CRACD: variants seen among roughly 807,000 people sequenced by gnomAD.
The protein encoded by CRACD is capping protein inhibiting regulator of actin dynamics, also known as capping protein-inhibiting regulator of actin dynamics.
Under a neutral mutation model 106.8 loss-of-function variants are expected in CRACD, and 56 were observed. The observed-to-expected ratio is 0.52, with a 90% CI of 0.42 to 0.66. The LOEUF (loss-of-function observed/expected upper bound fraction) is 0.66, where lower values mean the gene tolerates loss of function less well. Among genes scored for constraint, CRACD ranks in the 30% least tolerant of loss-of-function variants. The pLI, the probability that CRACD is intolerant of heterozygous loss-of-function variation, is 0.00. For synonymous variants in CRACD, 754 were observed against 670.8 expected (o/e 1.12, Z -1.92); for missense variants, 1,730 against 1,623.2 (o/e 1.07, Z -1.13).
intron 1 of CRACD, among the ~76,000 whole-genome samples, chr4:56,153,149 C>T (rs1577696917): frequency 1.3e-5 from 2 of 152,216 alleles, no homozygotes; most frequent in East Asian, 3.9e-4. Context: ...CACGGTGGCA[C>T]ATGCCTGTAA....
At chr4:56,163,296 CA>C (rs61130200) in intron 1 of CRACD, among the ~76,000 whole-genome samples, 15 of 146,076 alleles carry the variant, frequency 1.0e-4, no homozygotes, top group East Asian at 2.0e-4. Flanking sequence ...GTCCCGTCTT[CA>C]AAAAAAAAAG....
At chr4:56,052,655 G>T (rs1290451139) in intron 1 of CRACD, among the ~76,000 whole-genome samples, 4 of 152,324 alleles carry the variant, frequency 2.6e-5, no homozygotes, top group African/African-American at 9.6e-5. Flanking sequence ...CAACAGCCCT[G>T]TAAGTAGGCC....
At chr4:56,295,662 TATATATATATATA>T (rs1322396257) in intron 3 of CRACD, among the ~76,000 whole-genome samples, 1 of 106 alleles carries the variant, frequency 9.4e-3, no homozygotes, top group African/African-American at 0.029. Flanking sequence ...TTAGTAAACA[TATATATATATATA>T]TATATATATA....
chr4:56,172,048 A>G (rs893684807), intron 1 of CRACD, among the ~76,000 whole-genome samples: 2 of 98,686 alleles, frequency 2.0e-5, no homozygotes, highest in Non-Finnish European at 4.3e-5. Context: ...ACTTTACAGT[A>G]TAACTTTAAA....
At chr4:56,317,946 G>A (rs975700720) in intron 8 of CRACD, among the ~76,000 whole-genome samples, 2 of 152,062 alleles carry the variant, frequency 1.3e-5, no homozygotes, top group East Asian at 3.9e-4. Flanking sequence ...ATTATGCAGA[G>A]TATAGGAGGT....
intron 8 of CRACD, among the ~76,000 whole-genome samples, chr4:56,317,257 C>T (rs149449918): frequency 5.3e-4 from 80 of 152,302 alleles, no homozygotes; most frequent in Middle Eastern, 6.8e-3. Flanking sequence ...AAGTGCCCAA[C>T]GCCAGAGGCA....
intron 1 of CRACD, among the ~76,000 whole-genome samples, chr4:56,134,569 A>G (rs977501847): frequency 1.3e-5 from 2 of 152,196 alleles, no homozygotes; most frequent in African/African-American, 4.8e-5. Context: ...TCATGCACCA[A>G]CACCAATCTT....
At chr4:56,102,297 AT>A (rs1434170588) in intron 1 of CRACD, among the ~76,000 whole-genome samples, 5 of 152,154 alleles carry the variant, frequency 3.3e-5, no homozygotes, top group Admixed American at 2.0e-4. Context: ...GAATATCAGC[AT>A]TTCTTTTCAT....
intron 1 of CRACD, among the ~76,000 whole-genome samples, chr4:56,103,657 A>C (rs1331801760): frequency 6.6e-6 from 1 of 152,242 alleles, no homozygotes; most frequent in Non-Finnish European, 1.5e-5. Flanking sequence ...GAGTTCACAC[A>C]GTGAGATTCT....
At chr4:56,119,313 G>A (rs2109851775) in intron 1 of CRACD, among the ~76,000 whole-genome samples, 1 of 151,980 alleles carries the variant, frequency 6.6e-6, no homozygotes, top group Middle Eastern at 3.4e-3. Flanking sequence ...ATATGTAATT[G>A]AGTTCTATTC....
At chr4:56,153,487 C>T (rs368922704) in intron 1 of CRACD, among the ~76,000 whole-genome samples, 2 of 152,140 alleles carry the variant, frequency 1.3e-5, no homozygotes, top group Non-Finnish European at 2.9e-5. Context: ...TATGTCTTCA[C>T]GCTTCTCTCC....
At chr4:56,268,569 G>A (rs575255088) in intron 2 of CRACD, among the ~76,000 whole-genome samples, 1 of 152,304 alleles carries the variant, frequency 6.6e-6, no homozygotes, top group Admixed American at 6.5e-5. Flanking sequence ...TTGGAAATAA[G>A]TGGAATATAA....
At chr4:56,197,042 A>G (rs1737644518) in intron 2 of CRACD, among the ~76,000 whole-genome samples, 1 of 152,226 alleles carries the variant, frequency 6.6e-6, no homozygotes, top group Non-Finnish European at 1.5e-5. Context: ...TGATACTGAT[A>G]GGGATAGGGG....
chr4:56,255,650 A>G (rs958006169), intron 2 of CRACD, among the ~76,000 whole-genome samples: 2 of 152,174 alleles, frequency 1.3e-5, no homozygotes, highest in African/African-American at 2.4e-5. Context: ...AAATCCCACT[A>G]AATTTTACGG....
In CRACD at chr4:56,327,902, GA is replaced by G; in HGVS notation, c.*102del. 1 of 1,085,380 alleles carries G rather than the reference GA, an allele frequency of 9.2e-7. No individual in the cohort carries two copies. The highest frequency in any genetic ancestry group is 1.3e-6 in the Non-Finnish European group (1 of 755,046). 67.2% of individuals were successfully genotyped at this position (1,085,380 alleles called of 1,614,324 possible). A position where few individuals can be genotyped will look rare whatever the true frequency, so the allele number is the denominator to read the frequency against. On this transcript the variant is annotated 3_prime_UTR_variant, in exon 11 of 11. Transcript: ENST00000682029. ...TATGGGGTAAAGAAATCAAGCTAGG[GA>G]AAAGAAGCATGTTTTATAGGCTCCA...
At chr4:56,106,382 TA>T (rs1733950576) in intron 1 of CRACD, among the ~76,000 whole-genome samples, 1 of 152,176 alleles carries the variant, frequency 6.6e-6, no homozygotes, top group Admixed American at 6.5e-5. Flanking sequence ...GATCCTACGC[TA>T]AAGAGTTATA....
intron 8 of CRACD, among the ~76,000 whole-genome samples, chr4:56,318,160 G>A (rs572990414): frequency 6.6e-6 from 1 of 152,032 alleles, no homozygotes; most frequent in African/African-American, 2.4e-5. Context: ...TTATTTTATT[G>A]TTTATTATTG....
chr4:56,271,581 AC>A (rs1742349818), intron 2 of CRACD, among the ~76,000 whole-genome samples: 1 of 152,114 alleles, frequency 6.6e-6, no homozygotes, highest in Admixed American at 6.5e-5. Context: ...TAAAAAAAAA[AC>A]AAAACTATCT....
chr4:56,078,265 G>A (rs1732909159), intron 1 of CRACD, among the ~76,000 whole-genome samples: 1 of 152,026 alleles, frequency 6.6e-6, no homozygotes, highest in Admixed American at 6.6e-5. Context: ...ATTGAATCAG[G>A]AAATTAAAGT....
Sources: gnomAD v4.1 joint callset for allele counts (sites outside exome capture counted in the v4.1 genomes callset) on GRCh38, gnomAD v4.1.1 for gene constraint, MANE v1.5 for transcripts, NCBI Gene and HGNC (gene_info 2026-07-23, HGNC 2026-07-21) for gene names.